FGF14: variants seen among roughly 807,000 people sequenced by gnomAD.
FGF14 encodes fibroblast growth factor 14.
In FGF14, 5 loss-of-function variants were observed where a neutral mutation model predicts 25.5. The ratio of observed to expected loss-of-function variants is 0.20; its 90% confidence interval spans 0.10 to 0.41. The LOEUF is 0.41. Among genes scored for constraint, FGF14 ranks in the 10% least tolerant of loss-of-function variants. FGF14 has a pLI of 1.00. For synonymous variants in FGF14, 138 were observed against 118.3 expected, an observed-to-expected ratio of 1.17 and a Z score of -1.08; for missense variants, 222 against 320.1, an observed-to-expected ratio of 0.69 and a Z score of 2.34.
chr13:102,336,857 G>T (rs1005565205), intron 1 of FGF14, among the ~76,000 whole-genome samples: 3 of 152,186 alleles, frequency 2.0e-5, no homozygotes, highest in Non-Finnish European at 4.4e-5. Context: ...AAGCCTGAAT[G>T]ACAGCAAAAC....
chr13:102,340,542 C>T (rs987103078), intron 1 of FGF14, among the ~76,000 whole-genome samples: 6 of 151,986 alleles, frequency 3.9e-5, no homozygotes, highest in Admixed American at 3.9e-4. Flanking sequence ...GTGATACATC[C>T]CAAAATATCT....
intron 1 of FGF14, among the ~76,000 whole-genome samples, chr13:101,971,411 C>T (rs1429975410): frequency 6.6e-6 from 1 of 151,514 alleles, no homozygotes; most frequent in Non-Finnish European, 1.5e-5. Flanking sequence ...CACTCTGTCA[C>T]CCAGGCTGTA....
chr13:101,817,512 T>C (rs1177784027), intron 3 of FGF14, among the ~76,000 whole-genome samples: 1 of 152,212 alleles, frequency 6.6e-6, no homozygotes, highest in African/African-American at 2.4e-5. Flanking sequence ...CTGTCCAATA[T>C]ACCTGCAGGT....
intron 1 of FGF14, among the ~76,000 whole-genome samples, chr13:102,145,060 G>C (rs2046797657): frequency 6.6e-6 from 1 of 152,120 alleles, no homozygotes; most frequent in African/African-American, 2.4e-5. Flanking sequence ...TGACTAATGT[G>C]ATGGGTGATT....
intron 1 of FGF14, among the ~76,000 whole-genome samples, chr13:102,255,023 A>C (rs2052369414): frequency 6.6e-6 from 1 of 152,222 alleles, no homozygotes; most frequent in Admixed American, 6.5e-5. Context: ...AAAATGTTAA[A>C]TTTGAAACCC....
chr13:102,154,847 G>T (rs1310598906), intron 1 of FGF14, among the ~76,000 whole-genome samples: 2 of 150,504 alleles, frequency 1.3e-5, no homozygotes, highest in African/African-American at 4.9e-5. Context: ...AAAAAAAAAA[G>T]GCAGGGGTTG....
intron 1 of FGF14, among the ~76,000 whole-genome samples, chr13:102,030,455 C>T (rs17688303): frequency 6.6e-6 from 1 of 152,022 alleles, no homozygotes; most frequent in East Asian, 1.9e-4. Context: ...AAAGGACAAC[C>T]AAGGCACAGG....
intron 3 of FGF14, among the ~76,000 whole-genome samples, chr13:101,852,986 A>G (rs1349481526): frequency 3.3e-5 from 5 of 152,086 alleles, no homozygotes; most frequent in African/African-American, 1.2e-4. Flanking sequence ...AATTTCCTTG[A>G]GGGAATCCTA....
intron 1 of FGF14, among the ~76,000 whole-genome samples, chr13:101,896,791 A>G (rs927591478): frequency 2.0e-5 from 3 of 152,136 alleles, no homozygotes; most frequent in Non-Finnish European, 2.9e-5. Flanking sequence ...AATAAAACCA[A>G]TTAGGAGAGT....
chr13:101,948,169 C>T (rs1223605993), intron 1 of FGF14, among the ~76,000 whole-genome samples: 1 of 152,156 alleles, frequency 6.6e-6, no homozygotes, highest in African/African-American at 2.4e-5. Context: ...GAAGCAAAGA[C>T]ATTTGGTCAT....
rs373399174 is a variant in FGF14 at position 102,078,378 on chromosome 13, G to A, written c.209-203082C>T. Among the ~76,000 whole-genome samples, 4 of 152,130 alleles carry A rather than the reference G, an allele frequency of 2.6e-5. No individual in the cohort carries two copies. In the South Asian group the frequency reaches 6.2e-4, roughly 24 times the overall value. ...TATACATATTTCAAAACAGCGTGAT[G>A]TACACTATAAAAATATACAGTTTTA... On this transcript the variant is annotated intron_variant, in intron 1 of 4. Transcript: ENST00000376131.
chr13:102,336,657 G>A (rs1211913744), intron 1 of FGF14, among the ~76,000 whole-genome samples: 2 of 152,160 alleles, frequency 1.3e-5, no homozygotes, highest in Non-Finnish European at 2.9e-5. Context: ...TGCCATCTAG[G>A]ACTTTCATAG....
At chr13:102,102,383 A>T (rs1270907249) in intron 1 of FGF14, among the ~76,000 whole-genome samples, 1 of 152,210 alleles carries the variant, frequency 6.6e-6, no homozygotes, top group East Asian at 1.9e-4. Context: ...TGGCAATGTA[A>T]GTCAGAAAAA....
chr13:102,178,942 A>G (rs2048558518), intron 1 of FGF14, among the ~76,000 whole-genome samples: 1 of 152,140 alleles, frequency 6.6e-6, no homozygotes, highest in Non-Finnish European at 1.5e-5. Context: ...GGGGAACCTG[A>G]TATTGTACAA....
intron 3 of FGF14, among the ~76,000 whole-genome samples, chr13:101,826,341 A>C (rs1298978309): frequency 1.3e-5 from 2 of 152,152 alleles, no homozygotes; most frequent in African/African-American, 2.4e-5. Flanking sequence ...TCTGAGGATA[A>C]TTTGATTCAC....
intron 3 of FGF14, among the ~76,000 whole-genome samples, chr13:101,843,962 G>C (rs1268325641): frequency 2.0e-5 from 3 of 151,928 alleles, no homozygotes; most frequent in Non-Finnish European, 4.4e-5. Context: ...ACCCTAATAG[G>C]AGACCTAAAA....
At chr13:101,908,663 G>T (rs563530313) in intron 1 of FGF14, among the ~76,000 whole-genome samples, 3 of 152,222 alleles carry the variant, frequency 2.0e-5, no homozygotes, top group Non-Finnish European at 2.9e-5. Flanking sequence ...TGGCCATACT[G>T]CCCAAGGTCA....
chr13:102,160,018 C>A (rs1460935140), intron 1 of FGF14, among the ~76,000 whole-genome samples: 1 of 152,104 alleles, frequency 6.6e-6, no homozygotes. Context: ...CCATTTACAG[C>A]TTCAGTCTCA....
At chr13:102,031,020 TAA>T (rs1190709653) in intron 1 of FGF14, among the ~76,000 whole-genome samples, 1 of 152,094 alleles carries the variant, frequency 6.6e-6, no homozygotes, top group African/African-American at 2.4e-5. Context: ...CTTTATAACA[TAA>T]GTCAAAATAA....
Sources: allele counts gnomAD v4.1 joint callset (sites outside exome capture counted in the v4.1 genomes callset), GRCh38; gene constraint gnomAD v4.1.1; transcripts MANE v1.5; gene names NCBI Gene and HGNC (gene_info 2026-07-23, HGNC 2026-07-21).